ADAM32: variants seen among roughly 807,000 people sequenced by gnomAD.
ADAM32 encodes the protein ADAM metallopeptidase domain 32, also known as disintegrin and metalloproteinase domain-containing protein 32.
In ADAM32, 89 loss-of-function variants were observed where a neutral mutation model predicts 114.9. The observed-to-expected ratio is 0.77, with a 90% CI of 0.65 to 0.92. ADAM32 has a LOEUF of 0.92. ADAM32 is among the 40% of genes least tolerant of loss of function. The pLI, the probability that ADAM32 is intolerant of heterozygous loss-of-function variation, is 0.00. For missense variants in ADAM32, 870 were observed against 932.8 expected, an observed-to-expected ratio of 0.93 and a Z score of 0.88; for synonymous variants, 285 against 307.5, an observed-to-expected ratio of 0.93 and a Z score of 0.77.
At chr8:39,208,368 C>G (rs1807986829) in intron 11 of ADAM32, among the ~76,000 whole-genome samples, 2 of 152,084 alleles carry the variant, frequency 1.3e-5, no homozygotes, top group South Asian at 4.1e-4. Context: ...TTTTATATTA[C>G]CTATCTCTTA....
intron 10 of ADAM32, among the ~76,000 whole-genome samples, chr8:39,172,358 T>C (rs2129446522): frequency 6.6e-6 from 1 of 152,326 alleles, no homozygotes; most frequent in Admixed American, 6.5e-5. Context: ...CTTGGGTACA[T>C]ATGCAGGATG....
chr8:39,180,824 A>G (rs1239685644), intron 10 of ADAM32, among the ~76,000 whole-genome samples: 1 of 151,934 alleles, frequency 6.6e-6, no homozygotes, highest in Admixed American at 6.6e-5. Flanking sequence ...GGCACTCTGT[A>G]TCTAGCTCAA....
At chr8:39,201,065 C>G (rs1485956967) in intron 11 of ADAM32, among the ~76,000 whole-genome samples, 2 of 152,126 alleles carry the variant, frequency 1.3e-5, no homozygotes, top group African/African-American at 4.8e-5. Flanking sequence ...CGTGATGCCT[C>G]CAGCTTTGTT....
intron 14 of ADAM32, among the ~76,000 whole-genome samples, chr8:39,225,488 C>T (rs1204753640): frequency 6.6e-6 from 1 of 152,170 alleles, no homozygotes; most frequent in East Asian, 1.9e-4. Context: ...GTGCATCAGA[C>T]ATCAGTGAGG....
chr8:39,134,141 G>A (rs1419110374), intron 2 of ADAM32, among the ~76,000 whole-genome samples: 2 of 152,158 alleles, frequency 1.3e-5, no homozygotes, highest in African/African-American at 4.8e-5. Flanking sequence ...GACATGGGGG[G>A]ATGTCAGCAG....
chr8:39,178,739 T>C (rs1805667423), intron 10 of ADAM32, among the ~76,000 whole-genome samples: 1 of 152,188 alleles, frequency 6.6e-6, no homozygotes, highest in East Asian at 1.9e-4. Flanking sequence ...GTTATTGTTG[T>C]GGCTTTCTGT....
Position 39,147,163 on chromosome 8 carries a change from G to A in ADAM32, c.234G>A (p.Leu78=), listed in dbSNP as rs1249582923. The change falls in exon 4 of 25, where the codon TTG becomes TTA. Residue 78 remains leucine (L), a synonymous_variant. Coordinates refer to ENST00000379907, the MANE Select transcript of ADAM32 (RefSeq NM_145004.7). The stretch of plus-strand genomic sequence containing the variant: ...TAGCAGATAATTTTATGATCTATTT[G>A]TACAATCAAGGATCTATGAATACTT... ...YFLADNFMIY[L]YNQGSMNTYS... 2 of 994,796 alleles carry A rather than the reference G, an allele frequency of 2.0e-6. No homozygotes were observed. The highest frequency in any genetic ancestry group is 5.1e-5 in the South Asian group (2 of 38,976). The allele number at this position is 994,796 out of a possible 1,614,324, so 61.6% of individuals were successfully genotyped here.
chr8:39,232,141 C>T lies in ADAM32; in HGVS notation c.1634+6C>T, dbSNP rs1809779885. ...TATGTGTTCTGTGGATGGAGGTATG[C>T]TCTACAAATATAAATGATACTTTTC... On this transcript the variant is annotated splice_donor_region_variant and intron_variant, in intron 15 of 24. Coordinates refer to ENST00000379907, the MANE Select transcript of ADAM32 (RefSeq NM_145004.7). The T allele has an allele frequency of 1.3e-6, 2 of 1,566,638 alleles. No individual in the cohort carries two copies. Among genetic ancestry groups the T allele is most frequent in the African/African-American group, 1.4e-5 (1 of 73,230 alleles).
chr8:39,280,645 C>T (rs1021424421), intron 22 of ADAM32, among the ~76,000 whole-genome samples: 3 of 152,132 alleles, frequency 2.0e-5, no homozygotes, highest in Admixed American at 2.0e-4. Context: ...AAAAAGAATG[C>T]TATTTATTTG....
At chr8:39,210,791 A>C (rs1436031652) in intron 11 of ADAM32, among the ~76,000 whole-genome samples, 1 of 152,042 alleles carries the variant, frequency 6.6e-6, no homozygotes, top group East Asian at 1.9e-4. Context: ...TGTTTAATAA[A>C]ATTTTGTGGT....
intron 11 of ADAM32, among the ~76,000 whole-genome samples, chr8:39,201,367 G>A (rs1200491828): frequency 1.3e-5 from 2 of 151,966 alleles, no homozygotes; most frequent in Non-Finnish European, 2.9e-5. Context: ...GGATTCCTAG[G>A]CATTTTATTC....
intron 14 of ADAM32, among the ~76,000 whole-genome samples, chr8:39,230,072 A>T (rs973958136): frequency 6.6e-6 from 1 of 152,148 alleles, no homozygotes; most frequent in Non-Finnish European, 1.5e-5. Context: ...TATGACATGC[A>T]TCCACTATTT....
At chr8:39,260,662 G>T (rs1388619828) in intron 19 of ADAM32, among the ~76,000 whole-genome samples, 1 of 151,964 alleles carries the variant, frequency 6.6e-6, no homozygotes, top group African/African-American at 2.4e-5. Flanking sequence ...CTAGTATTTT[G>T]TTGAGGATTT....
chr8:39,236,763 GA>G (rs1564657779), intron 16 of ADAM32, among the ~76,000 whole-genome samples: 1 of 152,064 alleles, frequency 6.6e-6, no homozygotes, highest in South Asian at 2.1e-4. Context: ...AAATTCTCAA[GA>G]AAAAAATTAA....
chr8:39,145,057 C>G (rs1803417471), intron 3 of ADAM32, among the ~76,000 whole-genome samples: 1 of 152,064 alleles, frequency 6.6e-6, no homozygotes, highest in South Asian at 2.1e-4. Flanking sequence ...AAGAAAACAA[C>G]CCCATGTACA....
intron 3 of ADAM32, among the ~76,000 whole-genome samples, chr8:39,141,889 A>T (rs531346036): frequency 6.6e-6 from 1 of 152,144 alleles, no homozygotes; most frequent in South Asian, 2.1e-4. Flanking sequence ...TTGGGTGCAT[A>T]TATATTTAGG....
intron 16 of ADAM32, among the ~76,000 whole-genome samples, chr8:39,237,378 C>G (rs1732946546): frequency 6.7e-6 from 1 of 149,440 alleles, no homozygotes; most frequent in Non-Finnish European, 1.5e-5. Flanking sequence ...GTGGGGTGAA[C>G]AAGAAGTGCA....
chr8:39,188,498 G>T (rs1023313419), intron 11 of ADAM32, among the ~76,000 whole-genome samples: 1 of 152,076 alleles, frequency 6.6e-6, no homozygotes, highest in African/African-American at 2.4e-5. Context: ...AATGTTTTGT[G>T]TAGGTCACCC....
chr8:39,189,931 C>T (rs1436041927), intron 11 of ADAM32, among the ~76,000 whole-genome samples: 2 of 152,176 alleles, frequency 1.3e-5, no homozygotes, highest in African/African-American at 4.8e-5. Flanking sequence ...TCTCCTGCCT[C>T]AGCCTCCCGA....
Sources: gnomAD v4.1 joint callset for allele counts (sites outside exome capture counted in the v4.1 genomes callset) on GRCh38, gnomAD v4.1.1 for gene constraint, MANE v1.5 for transcripts, NCBI Gene and HGNC (gene_info 2026-07-23, HGNC 2026-07-21) for gene names.